The following DPY19L2 variants were observed in gnomAD, a reference collection of about 807,000 sequenced individuals.
DPY19L2 encodes probable C-mannosyltransferase DPY19L2.
Under a neutral mutation model 97.9 loss-of-function variants are expected in DPY19L2, and 34 were observed. That is an observed-to-expected ratio of 0.35 (90% CI 0.26 to 0.46). The LOEUF is 0.46. Among genes scored for constraint, DPY19L2 ranks in the 20% least tolerant of loss-of-function variants. The probability of loss-of-function intolerance (pLI) is 1.00; values close to 1 mark genes in which losing one functional copy is unlikely to be tolerated. For missense variants in DPY19L2, 623 were observed against 911.4 expected, an observed-to-expected ratio of 0.68 and a Z score of 4.07; for synonymous variants, 230 against 307.9, an observed-to-expected ratio of 0.75 and a Z score of 2.65.
At chr12:63,604,508 T>C (rs1885716511) in intron 12 of DPY19L2, among the ~76,000 whole-genome samples, 1 of 152,104 alleles carries the variant, frequency 6.6e-6, no homozygotes, top group Non-Finnish European at 1.5e-5. Flanking sequence ...TACTACACCA[T>C]AGGTCCCGAA....
intron 8 of DPY19L2, among the ~76,000 whole-genome samples, chr12:63,622,231 G>A (rs539129071): frequency 2.0e-5 from 3 of 152,140 alleles, no homozygotes; most frequent in East Asian, 3.9e-4. Flanking sequence ...TTTATTCCAT[G>A]AAACCCCTGA....
At chr12:63,638,238 C>T (rs1192215578) in intron 6 of DPY19L2, among the ~76,000 whole-genome samples, 1 of 152,006 alleles carries the variant, frequency 6.6e-6, no homozygotes, top group Non-Finnish European at 1.5e-5. Flanking sequence ...TATGACAAAC[C>T]CACAGCCAAT....
chr12:63,570,269 C>T (rs1420446299), intron 20 of DPY19L2, among the ~76,000 whole-genome samples: 1 of 152,164 alleles, frequency 6.6e-6, no homozygotes, highest in Non-Finnish European at 1.5e-5. Flanking sequence ...TCTAAATTTT[C>T]ATGAAAGCAC....
At chr12:63,602,877 T>C (rs1885406429) in intron 12 of DPY19L2, among the ~76,000 whole-genome samples, 1 of 152,088 alleles carries the variant, frequency 6.6e-6, no homozygotes, top group Non-Finnish European at 1.5e-5. Context: ...CTTTCCTAAA[T>C]TCAAAAAGTT....
rs1239066330 is a variant in DPY19L2 at position 63,668,136 on chromosome 12, A to T, written c.258T>A (p.Arg86=). 1 of 1,613,964 alleles carries T rather than the reference A, an allele frequency of 6.2e-7. No homozygotes were observed. The part of the protein sequence containing the change: ...TFLLGPFQFV[R]NSLAQLREKV... ...TTTCCCGGAGCTGCGCCAGGGAATT[A>T]CGGACGAACTGGAAGGGGCCGAGAA... The change falls in exon 1 of 22, where the codon CGT becomes CGA. Residue 86 remains arginine (R), a synonymous_variant. Transcript: ENST00000324472.
At position 63,628,356 on chromosome 12, in the gene DPY19L2, T is replaced by A. The variant is rs562247638; in HGVS notation, c.804-1830A>T. Among the ~76,000 whole-genome samples, 10 of 152,210 alleles carry A rather than the reference T, an allele frequency of 6.6e-5. No homozygotes were observed. The South Asian group carries it at 1.5e-3, about 22-fold the overall frequency. On this transcript the variant is annotated intron_variant, in intron 6 of 21. Coordinates refer to ENST00000324472, the MANE Select transcript of DPY19L2 (RefSeq NM_173812.5). ...GAAAGAAGGCACCTGGAAAATCGGG[T>A]CACTCCTACCCTAACAGTGCGCTTT... is the stretch of plus-strand genomic sequence containing the variant.
At position 63,668,400 on chromosome 12, in the gene DPY19L2, G is replaced by A. The variant is rs751378390; in HGVS notation, c.-7C>T. The stretch of plus-strand genomic sequence containing the variant: ...TTACTCCTTGTTTTCTCATAATCAA[G>A]GAGTATGGTGGAGCTGGGTCAATTT... On this transcript the variant is annotated 5_prime_UTR_variant, in exon 1 of 22. Transcript: ENST00000324472. 1 of 1,594,376 alleles carries A rather than the reference G, an allele frequency of 6.3e-7. No individual in the cohort carries two copies. Among genetic ancestry groups the A allele is most frequent in the Admixed American group, 1.7e-5 (1 of 57,464 alleles).
intron 1 of DPY19L2, among the ~76,000 whole-genome samples, chr12:63,667,765 C>T (rs1215892818): frequency 6.6e-6 from 1 of 152,126 alleles, no homozygotes; most frequent in Non-Finnish European, 1.5e-5. Flanking sequence ...ATTATTTCCT[C>T]TCTTGGAATC....
intron 4 of DPY19L2, among the ~76,000 whole-genome samples, chr12:63,656,792 A>G (rs1429305522): frequency 6.6e-6 from 1 of 151,490 alleles, no homozygotes; most frequent in Non-Finnish European, 1.5e-5. Context: ...CTCATTGATT[A>G]TTTCTTCTGC....
intron 11 of DPY19L2, among the ~76,000 whole-genome samples, chr12:63,612,968 G>A (rs1300009248): frequency 6.6e-6 from 1 of 151,986 alleles, no homozygotes; most frequent in Non-Finnish European, 1.5e-5. Context: ...AGAGGAAATG[G>A]ATAACACGAA....
intron 15 of DPY19L2, 152 bp from the exon 16 acceptor site, chr12:63,594,285 G>A: frequency 1.8e-6 from 1 of 546,712 alleles, no homozygotes; most frequent in Non-Finnish European, 3.2e-6. Context: ...TACTATAGAT[G>A]CCTTCCTTTT....
intron 13 of DPY19L2, among the ~76,000 whole-genome samples, chr12:63,598,781 A>G (rs1884660736): frequency 1.3e-5 from 2 of 152,110 alleles, no homozygotes; most frequent in South Asian, 4.1e-4. Flanking sequence ...ACTAACAGTA[A>G]TTTAACCAAA....
At chr12:63,653,274 A>G (rs1015283621) in intron 4 of DPY19L2, among the ~76,000 whole-genome samples, 11 of 152,152 alleles carry the variant, frequency 7.2e-5, no homozygotes, top group African/African-American at 2.4e-4. Context: ...GGAAATAATT[A>G]CTGAGGCTGG....
At chr12:63,641,987 G>A (rs2138098929) in intron 6 of DPY19L2, among the ~76,000 whole-genome samples, 1 of 152,230 alleles carries the variant, frequency 6.6e-6, no homozygotes, top group Non-Finnish European at 1.5e-5. Context: ...GTTTGAATTT[G>A]TATTTTCTTT....
intron 6 of DPY19L2, among the ~76,000 whole-genome samples, chr12:63,628,748 A>G (rs1205897746): frequency 1.3e-5 from 2 of 151,194 alleles, no homozygotes; most frequent in Non-Finnish European, 2.9e-5. Context: ...CTGGAGATCT[A>G]ACAACAGACA....
At chr12:63,584,018 C>A in intron 16 of DPY19L2, 182 bp from the exon 17 acceptor site, 1 of 555,076 alleles carries the variant, frequency 1.8e-6, no homozygotes, top group South Asian at 2.5e-5. Context: ...ATTTAAAAGT[C>A]ATAATTTATA....
rs187631108 is a variant in DPY19L2, at chr12:63,622,175, G to A, written c.954-838C>T. On this transcript the variant is annotated intron_variant, in intron 8 of 21. Coordinates refer to ENST00000324472, the MANE Select transcript of DPY19L2 (RefSeq NM_173812.5). ...ACTTTTGACTAAGACACAGAGTATAGCACATGCCCTCAATGATACAACCCT... is the reference window on the plus strand; with the variant it reads ...ACTTTTGACTAAGACACAGAGTATAACACATGCCCTCAATGATACAACCCT... Among the ~76,000 whole-genome samples the A allele has an allele frequency of 6.2e-3, 950 of 152,138 alleles. 7 individuals carry two copies. Among genetic ancestry groups the A allele is most frequent in the South Asian group, 0.031 (150 of 4,824 alleles).
At chr12:63,646,390 T>A (rs1361327963) in intron 5 of DPY19L2, among the ~76,000 whole-genome samples, 1 of 152,084 alleles carries the variant, frequency 6.6e-6, no homozygotes, top group Non-Finnish European at 1.5e-5. Flanking sequence ...CACAAAAAAG[T>A]ATAATTGCCC....
chr12:63,588,882 T>C (rs1411792436), intron 16 of DPY19L2, among the ~76,000 whole-genome samples: 1 of 151,512 alleles, frequency 6.6e-6, no homozygotes, highest in Admixed American at 6.6e-5. Context: ...GCCTACCGAG[T>C]AGCTGGGACT....
Sources: allele counts gnomAD v4.1 joint callset (sites outside exome capture counted in the v4.1 genomes callset), GRCh38; gene constraint gnomAD v4.1.1; transcripts MANE v1.5; gene names NCBI Gene and HGNC (gene_info 2026-07-23, HGNC 2026-07-21).